Variants in ACR observed in about 807,000 individuals in gnomAD.
ACR encodes the protein acrosin.
A neutral mutation model predicts 26.0 loss-of-function variants in ACR; 17 were observed. That is an observed-to-expected ratio of 0.65 (90% confidence interval 0.45 to 0.98). The LOEUF (loss-of-function observed/expected upper bound fraction) is 0.98. Ranked by LOEUF, ACR falls within the 50% of genes least tolerant of loss-of-function variation. ACR has a pLI of 0.00. For missense variants in ACR, 435 were observed against 519.3 expected, an observed-to-expected ratio of 0.84 and a Z score of 1.58; for synonymous variants, 199 against 207.7, an observed-to-expected ratio of 0.96 and a Z score of 0.36.
intron 3 of ACR, among the ~76,000 whole-genome samples, chr22:50,742,658 G>T (rs2083430237): frequency 6.6e-6 from 1 of 152,116 alleles, no homozygotes; most frequent in African/African-American, 2.4e-5. Context: ...TCTCACTGCT[G>T]CTTGGATGGT....
At chr22:50,740,828 C>T in intron 3 of ACR, 3 of 651,034 alleles carry the variant, frequency 4.6e-6, no homozygotes, top group Non-Finnish European at 8.4e-6. Flanking sequence ...TCACGGAGGG[C>T]CCCAGGTGTG....
intron 4 of ACR, 50 bp from the exon 5 acceptor site, chr22:50,744,603 A>T: frequency 6.4e-7 from 1 of 1,564,808 alleles, no homozygotes; most frequent in East Asian, 2.3e-5. Context: ...CCCTCTGGGC[A>T]GGGGAAGAGT....
rs762663990 is a variant in ACR, at chr22:50,739,889, G to A, written c.477G>A (p.Gly159=). ...CCATTTCGTGTGGGCGCTTCATTGGGCCGGGCTGCCTGCCCCACTTTAAGG... is the reference window on the plus strand; with the variant it reads ...CCATTTCGTGTGGGCGCTTCATTGGACCGGGCTGCCTGCCCCACTTTAAGG... ...TPPISCGRFI[G]PGCLPHFKAG... is the part of the protein sequence containing the mutation. The change falls in exon 3 of 5, where the codon GGG becomes GGA. Residue 159 remains glycine (G), a synonymous_variant. Transcript: ENST00000216139. The surrounding 1 kb of genome is among the most constrained non-coding windows in gnomAD (Gnocchi z 5.5). 2 of 1,613,458 alleles carry A rather than the reference G, an allele frequency of 1.2e-6. No homozygotes were observed. Among genetic ancestry groups the A allele is most frequent in the Non-Finnish European group, 1.7e-6 (2 of 1,179,582 alleles).
In ACR at chr22:50,745,049, C is replaced by T; in HGVS notation, c.1108C>T (p.Pro370Ser). 1.5e-6 allele frequency: 1 copy of T among 677,716 alleles called. No homozygotes were observed. The highest frequency in any genetic ancestry group is 2.2e-6 in the Non-Finnish European group (1 of 445,114). 42.0% of individuals were successfully genotyped at this position (677,716 alleles called of 1,614,324 possible). ...PLPPPPPPPP[P>S]TPSSTTKLPQ... ...ACCCCCACCCCCACCCCCACCCCCA[C>T]CTACACCCTCATCTACCACAAAACT... Residue 370 changes from proline to serine, a missense_variant, in exon 5 of 5, where the codon CCT becomes TCT. This residue lies in a region of ACR where 92 missense variants were observed against 87.8 expected (regional missense o/e 1.05). Transcript: ENST00000216139.
In ACR at chr22:50,744,223, C is replaced by A; in HGVS notation, c.711+17C>A. On this transcript the variant is annotated intron_variant, in intron 4 of 4. Coordinates refer to ENST00000216139, the MANE Select transcript of ACR (RefSeq NM_001097.3). ...ACCTGCCAGGTAACCTTCCTTCTGGCTTCTGGGCCCCTGGGTCCCTCCAGG... is the reference window on the plus strand; with the variant it reads ...ACCTGCCAGGTAACCTTCCTTCTGGATTCTGGGCCCCTGGGTCCCTCCAGG... 1 of 1,605,808 alleles carries A rather than the reference C, an allele frequency of 6.2e-7. No individual in the cohort carries two copies. Among genetic ancestry groups the A allele is most frequent in the Admixed American group, 1.7e-5 (1 of 59,916 alleles).
At position 50,739,265 on chromosome 22, in the gene ACR, C is replaced by A. The variant is rs903875449; in HGVS notation, c.78-6C>A. Reference sequence around the variant, plus strand: ...AGGTTTGAACTGTGCTCTGGTCTCTCCCCAGTGGCCCCTGTGGGTTACGGT... The same window carrying A: ...AGGTTTGAACTGTGCTCTGGTCTCTACCCAGTGGCCCCTGTGGGTTACGGT... On this transcript the variant is annotated splice_polypyrimidine_tract_variant and splice_region_variant and intron_variant, in intron 1 of 4. Transcript: ENST00000216139. The surrounding 1 kb of genome is among the most constrained non-coding windows in gnomAD (Gnocchi z 5.5). 3 of 1,562,098 alleles carry A rather than the reference C, an allele frequency of 1.9e-6. No homozygotes were observed. The highest frequency in any genetic ancestry group is 2.6e-6 in the Non-Finnish European group (3 of 1,152,978).
intron 3 of ACR, among the ~76,000 whole-genome samples, chr22:50,743,302 T>C (rs1379467485): frequency 6.6e-6 from 1 of 152,204 alleles, no homozygotes; most frequent in Non-Finnish European, 1.5e-5. Flanking sequence ...CCCAAAGTGC[T>C]GGGATGACAG....
Position 50,744,946 on chromosome 22 carries a change from T to C in ACR, c.1005T>C (p.Leu335=), listed in dbSNP as rs2146857570. The part of the protein sequence containing the change: ...PWYFQPPPRP[L]PPRPPAAQPR... ...ATTTCCAACCGCCCCCTCGACCACTTCCACCCCGACCACCGGCAGCCCAGC... is the reference window on the plus strand; with the variant it reads ...ATTTCCAACCGCCCCCTCGACCACTCCCACCCCGACCACCGGCAGCCCAGC... The change falls in exon 5 of 5, where the codon CTT becomes CTC. Residue 335 remains leucine (L), a synonymous_variant. Coordinates refer to ENST00000216139, the MANE Select transcript of ACR (RefSeq NM_001097.3). 5.4e-6 allele frequency: 8 copies of C among 1,469,732 alleles called. No individual in the cohort carries two copies. Among genetic ancestry groups the C allele is most frequent in the Non-Finnish European group, 7.2e-6 (8 of 1,107,254 alleles). The allele number at this position is 1,469,732 out of a possible 1,614,324, so 91.0% of individuals were successfully genotyped here. A position where few individuals can be genotyped will look rare whatever the true frequency, so the allele number is the denominator to read the frequency against.
rs13056621 is a variant in ACR, at chr22:50,743,331, A to T, written c.566-730A>T. 7.1e-4 allele frequency among the ~76,000 whole-genome samples: 108 copies of T among 152,200 alleles called. 1 individual carries two copies. The highest frequency in any genetic ancestry group is 2.0e-3 in the African/African-American group (81 of 41,506). Reference sequence around the variant, plus strand: ...ATGACAGGCGTGAGCCACCGCGCCCAGCCAAGTCCAGGGCTTTCAAGGAAG... The same window carrying T: ...ATGACAGGCGTGAGCCACCGCGCCCTGCCAAGTCCAGGGCTTTCAAGGAAG... On this transcript the variant is annotated intron_variant, in intron 3 of 4. Transcript: ENST00000216139.
intron 3 of ACR, among the ~76,000 whole-genome samples, chr22:50,743,192 T>TGC (rs1569124603): frequency 1.4e-5 from 2 of 146,178 alleles, no homozygotes; most frequent in Non-Finnish European, 3.0e-5. Flanking sequence ...CCCGCCACCA[T>TGC]GCCTGGCTAA....
chr22:50,744,924 T>G lies in ACR; in HGVS notation c.983T>G (p.Phe328Cys), dbSNP rs558985900. 3 of 1,564,860 alleles carry G rather than the reference T, an allele frequency of 1.9e-6. No homozygotes were observed. Among genetic ancestry groups the G allele is most frequent in the Non-Finnish European group, 2.6e-6 (3 of 1,158,386 alleles). The change falls in exon 5 of 5, where the codon TTC (phenylalanine) becomes TGC (cysteine). Residue 328 changes from phenylalanine (F) to cysteine (C), a missense_variant. Phe to Cys is a radical substitution (Grantham distance 205). This residue lies in a region of ACR where 92 missense variants were observed against 87.8 expected (regional missense o/e 1.05). Coordinates refer to ENST00000216139, the MANE Select transcript of ACR (RefSeq NM_001097.3). The part of the protein sequence containing the change: ...HPISAHLPWY[F>C]QPPPRPLPPR... ...ATCTCTGCTCACCTTCCTTGGTATT[T>G]CCAACCGCCCCCTCGACCACTTCCA...
Position 50,739,158 on chromosome 22 carries a change from G to A in ACR, c.78-113G>A. ...GCTGCCCCTGCTTTCCCAGAACCCG[G>A]AAGCTCTTCCCCACTTTTCCCAACC... is the stretch of plus-strand genomic sequence containing the variant. On this transcript the variant is annotated intron_variant, in intron 1 of 4. Transcript: ENST00000216139. The surrounding 1 kb of genome is among the most constrained non-coding windows in gnomAD (Gnocchi z 5.5). 1 of 953,344 alleles carries A rather than the reference G, an allele frequency of 1.0e-6. No individual in the cohort carries two copies. 59.1% of individuals were successfully genotyped at this position (953,344 alleles called of 1,614,324 possible).
chr22:50,741,441 C>T (rs894443062), intron 3 of ACR, among the ~76,000 whole-genome samples: 5 of 151,958 alleles, frequency 3.3e-5, no homozygotes, highest in African/African-American at 1.2e-4. Flanking sequence ...GTCCACAGCT[C>T]TTGGGGGTCC....
Position 50,739,590 on chromosome 22 carries a change from C to A in ACR, c.282-104C>A. The A allele has an allele frequency of 6.4e-7, 1 of 1,559,268 alleles. No homozygotes were observed. Among genetic ancestry groups the A allele is most frequent in the South Asian group, 1.2e-5 (1 of 82,934 alleles). On this transcript the variant is annotated intron_variant, in intron 2 of 4. Transcript: ENST00000216139. This position sits in a 1 kb window ranked among gnomAD's most constrained non-coding sequence, Gnocchi z 5.5. ...GGCTCTGGGCCAAGTGGCTGCAAGA[C>A]TCCGGGGGCTGGTCCAGACCTTTGC...
chr22:50,741,134 G>A (rs1481345141), intron 3 of ACR, among the ~76,000 whole-genome samples: 1 of 152,094 alleles, frequency 6.6e-6, no homozygotes, highest in Non-Finnish European at 1.5e-5. Context: ...AGTCTAAAAC[G>A]CAGCCTTTTT....
At position 50,739,987 on chromosome 22, in the gene ACR, G is replaced by A. The variant is rs547219491; in HGVS notation, c.565+10G>A. On this transcript the variant is annotated intron_variant, in intron 3 of 4. Coordinates refer to ENST00000216139, the MANE Select transcript of ACR (RefSeq NM_001097.3). The surrounding 1 kb of genome is among the most constrained non-coding windows in gnomAD (Gnocchi z 5.5). ...TATATAGAAGAGAAAGGTGAGTATGGGAGCGCCTCCAAGGGGGGACGCTGC... is the reference window on the plus strand; with the variant it reads ...TATATAGAAGAGAAAGGTGAGTATGAGAGCGCCTCCAAGGGGGGACGCTGC... 2 of 1,613,042 alleles carry A rather than the reference G, an allele frequency of 1.2e-6. No individual in the cohort carries two copies. Among genetic ancestry groups the A allele is most frequent in the Admixed American group, 1.7e-5 (1 of 60,014 alleles).
intron 1 of ACR, among the ~76,000 whole-genome samples, chr22:50,738,935 C>A (rs935104448): frequency 1.3e-5 from 2 of 152,128 alleles, no homozygotes; most frequent in African/African-American, 4.8e-5. Flanking sequence ...GGCCATTACA[C>A]CCCTCTGTCC....
chr22:50,743,075 G>T (rs1016978015), intron 3 of ACR, among the ~76,000 whole-genome samples: 3 of 151,648 alleles, frequency 2.0e-5, no homozygotes, highest in South Asian at 2.1e-4. Flanking sequence ...TCGCTCTGTG[G>T]CCCGGGCTGG....
In ACR at chr22:50,744,063, C is replaced by T; in HGVS notation, c.568C>T (p.Pro190Ser). ...AGWGYIEEKA[P>S]RPSSILMEAR... ...ACCACCGAGTGGTCTGACTATAGCC[C>T]CCAGGCCATCATCTATACTGATGGA... Residue 190 changes from proline to serine, a missense_variant and splice_region_variant, in exon 4 of 5, where the codon CCC (proline) becomes TCC (serine). By Grantham distance (74) the Pro-to-Ser change is moderately conservative (BLOSUM62 -1). Coordinates refer to ENST00000216139, the MANE Select transcript of ACR (RefSeq NM_001097.3). 4 of 1,606,316 alleles carry T rather than the reference C, an allele frequency of 2.5e-6. No individual in the cohort carries two copies. Among genetic ancestry groups the T allele is most frequent in the South Asian group, 2.2e-5 (2 of 90,982 alleles).
Sources: allele counts gnomAD v4.1 joint callset (sites outside exome capture counted in the v4.1 genomes callset), GRCh38; gene constraint gnomAD v4.1.1; regional missense constraint gnomAD v4.1.1; non-coding constraint Gnocchi (gnomAD v3.1); transcripts MANE v1.5; gene names NCBI Gene and HGNC (gene_info 2026-07-23, HGNC 2026-07-21).